Variants in NLK observed in about 807,000 individuals in gnomAD.
NLK encodes the protein nemo like kinase.
In NLK, 11 loss-of-function variants were observed where a neutral mutation model predicts 59.0. The observed-to-expected ratio is 0.19, with a 90% CI of 0.12 to 0.31. NLK has a LOEUF of 0.31. Among genes scored for constraint, NLK ranks in the 10% least tolerant of loss-of-function variants. The pLI, the probability that NLK is intolerant of heterozygous loss-of-function variation, is 1.00. For missense variants in NLK, 410 were observed against 661.1 expected, an observed-to-expected ratio of 0.62 and a Z score of 4.16; for synonymous variants, 235 against 235.9, an observed-to-expected ratio of 1.00 and a Z score of 0.03.
At chr17:28,096,925 A>G (rs1215841629) in intron 1 of NLK, among the ~76,000 whole-genome samples, 1 of 152,208 alleles carries the variant, frequency 6.6e-6, no homozygotes, top group Non-Finnish European at 1.5e-5. Context: ...TAAGTGGGAC[A>G]CTGAAGGGTC....
chr17:28,179,042 A>G (rs184983155), intron 7 of NLK, among the ~76,000 whole-genome samples: 1 of 152,298 alleles, frequency 6.6e-6, no homozygotes, highest in Non-Finnish European at 1.5e-5. Context: ...AATTAATCAT[A>G]GTCATTAATA....
At chr17:28,043,427 G>T in intron 1 of NLK, 96 bp downstream of exon 1, 2 of 1,131,536 alleles carry the variant, frequency 1.8e-6, no homozygotes, top group Non-Finnish European at 2.5e-6. Flanking sequence ...TGTTGACCAA[G>T]GTGCAGCAAG....
intron 2 of NLK, among the ~76,000 whole-genome samples, chr17:28,131,857 A>T (rs1395590498): frequency 6.6e-6 from 1 of 152,194 alleles, no homozygotes; most frequent in East Asian, 1.9e-4. Context: ...AGAATCTTGG[A>T]ATAAAATCAA....
At chr17:28,112,936 A>C (rs1180975632) in intron 1 of NLK, among the ~76,000 whole-genome samples, 1 of 152,190 alleles carries the variant, frequency 6.6e-6, no homozygotes, top group Non-Finnish European at 1.5e-5. Flanking sequence ...AAGACATTAT[A>C]GTATACTCCT....
intron 3 of NLK, among the ~76,000 whole-genome samples, chr17:28,141,449 A>C (rs567817750): frequency 6.6e-6 from 1 of 152,202 alleles, no homozygotes; most frequent in Non-Finnish European, 1.5e-5. Flanking sequence ...CCTCCATTCA[A>C]AATGCTGTTG....
At chr17:28,092,807 A>G (rs1445053948) in intron 1 of NLK, among the ~76,000 whole-genome samples, 1 of 128,706 alleles carries the variant, frequency 7.8e-6, no homozygotes, top group Non-Finnish European at 1.6e-5. Context: ...ATTTTATTTT[A>G]TTTATTTATT....
At chr17:28,148,048 A>G (rs921072838) in intron 3 of NLK, among the ~76,000 whole-genome samples, 7 of 152,192 alleles carry the variant, frequency 4.6e-5, no homozygotes, top group African/African-American at 1.7e-4. Flanking sequence ...ATGCAAATAA[A>G]TACCTCAGTG....
intron 2 of NLK, among the ~76,000 whole-genome samples, chr17:28,124,673 A>G (rs1157481781): frequency 6.6e-6 from 1 of 152,210 alleles, no homozygotes; most frequent in Non-Finnish European, 1.5e-5. Flanking sequence ...TCAGCATCAA[A>G]GAGTGCAGAC....
At chr17:28,146,398 TGATGATGAC>T (rs1360570638) in intron 3 of NLK, among the ~76,000 whole-genome samples, 2 of 151,376 alleles carry the variant, frequency 1.3e-5, no homozygotes, top group African/African-American at 2.4e-5. Flanking sequence ...ATGATGATGA[TGATGATGAC>T]GATGATGATG....
At chr17:28,147,499 G>A (rs1046784255) in intron 3 of NLK, among the ~76,000 whole-genome samples, 2 of 152,120 alleles carry the variant, frequency 1.3e-5, no homozygotes, top group African/African-American at 4.8e-5. Context: ...ATTGATCATG[G>A]TACAGATCTG....
intron 1 of NLK, among the ~76,000 whole-genome samples, chr17:28,066,060 C>T (rs1909812816): frequency 6.6e-6 from 1 of 152,180 alleles, no homozygotes; most frequent in Admixed American, 6.5e-5. Context: ...CTTTCCTTTA[C>T]TTTTCAGTCT....
At chr17:28,111,178 T>C (rs1905457892) in intron 1 of NLK, among the ~76,000 whole-genome samples, 1 of 151,888 alleles carries the variant, frequency 6.6e-6, no homozygotes. Flanking sequence ...AGAAACAGTT[T>C]CTGTTTGTTC....
At chr17:28,147,501 A>G (rs1907304201) in intron 3 of NLK, among the ~76,000 whole-genome samples, 1 of 152,148 alleles carries the variant, frequency 6.6e-6, no homozygotes, top group African/African-American at 2.4e-5. Flanking sequence ...TGATCATGGT[A>G]CAGATCTGCT....
At chr17:28,139,311 T>C (rs1391846674) in intron 3 of NLK, among the ~76,000 whole-genome samples, 1 of 152,224 alleles carries the variant, frequency 6.6e-6, no homozygotes, top group Non-Finnish European at 1.5e-5. Context: ...TGATTTTTAC[T>C]CTTTCCCATT....
At chr17:28,077,612 A>G (rs895643129) in intron 1 of NLK, among the ~76,000 whole-genome samples, 3 of 152,236 alleles carry the variant, frequency 2.0e-5, no homozygotes, top group African/African-American at 4.8e-5. Flanking sequence ...GCTATTAGGC[A>G]TCTGATACTA....
At chr17:28,060,846 C>T (rs537560968) in intron 1 of NLK, among the ~76,000 whole-genome samples, 6 of 152,104 alleles carry the variant, frequency 3.9e-5, no homozygotes, top group Non-Finnish European at 7.3e-5. Context: ...AGAGCAGTTT[C>T]GCAAAATTGA....
chr17:28,120,664 T>A (rs1906006143), intron 1 of NLK, among the ~76,000 whole-genome samples: 1 of 151,890 alleles, frequency 6.6e-6, no homozygotes, highest in Non-Finnish European at 1.5e-5. Context: ...TATTGGCCAA[T>A]GGAAGAAAGT....
At chr17:28,154,378 C>T (rs935815212) in intron 3 of NLK, among the ~76,000 whole-genome samples, 2 of 152,156 alleles carry the variant, frequency 1.3e-5, no homozygotes, top group Non-Finnish European at 2.9e-5. Flanking sequence ...GCAGCCTGAC[C>T]TATTCATCCT....
At chr17:28,107,656 A>C (rs980725375) in intron 1 of NLK, among the ~76,000 whole-genome samples, 28 of 152,270 alleles carry the variant, frequency 1.8e-4, no homozygotes, top group African/African-American at 6.3e-4. Context: ...AATAATATTC[A>C]CCATGACCAA....
Sources: allele counts gnomAD v4.1 joint callset (sites outside exome capture counted in the v4.1 genomes callset), GRCh38; gene constraint gnomAD v4.1.1; transcripts MANE v1.5; gene names NCBI Gene and HGNC (gene_info 2026-07-23, HGNC 2026-07-21).